Variants in MXI1 observed in about 807,000 individuals in gnomAD.
MXI1 encodes the protein max-interacting protein 1.
In MXI1, 18 loss-of-function variants were observed where a neutral mutation model predicts 36.9. That is an observed-to-expected ratio of 0.49 (90% CI 0.34 to 0.72). MXI1 has a LOEUF of 0.72. MXI1 is among the 30% of genes least tolerant of loss of function. The pLI, the probability that MXI1 is intolerant of heterozygous loss-of-function variation, is 0.01. For synonymous variants in MXI1, 160 were observed against 146.7 expected (o/e 1.09, Z -0.65); for missense variants, 304 against 379.1 (o/e 0.80, Z 1.64).
At chr10:110,280,500 A>G (rs1185709973) in intron 5 of MXI1, among the ~76,000 whole-genome samples, 56 of 151,920 alleles carry the variant, frequency 3.7e-4, no homozygotes, top group Middle Eastern at 3.4e-3. Context: ...CTAACATGGT[A>G]AAATCCTGTC....
chr10:110,216,193 C>T (rs186059621), intron 1 of MXI1, among the ~76,000 whole-genome samples: 91 of 152,286 alleles, frequency 6.0e-4, no homozygotes, highest in African/African-American at 2.0e-3. Flanking sequence ...TTGAGCAGTA[C>T]GCTCCAGGGA....
In MXI1 at chr10:110,286,181, A is replaced by G. The variant is rs1175068542; in HGVS notation, c.*1194A>G. The G allele has an allele frequency of 3.5e-5, 2 of 57,870 alleles. No homozygotes were observed. Among genetic ancestry groups the G allele is most frequent in the East Asian group, 0.077 (2 of 26 alleles). 3.6% of individuals were successfully genotyped at this position (57,870 alleles called of 1,614,324 possible). On this transcript the variant is annotated 3_prime_UTR_variant, in exon 6 of 6. Transcript: ENST00000332674. ...TATAGTAGACACACTATCATAGTTA[A>G]CATAGTAAGTTCAGCACTTGTCTCA...
chr10:110,272,831 G>A (rs1004220336), intron 3 of MXI1, among the ~76,000 whole-genome samples: 1 of 151,862 alleles, frequency 6.6e-6, no homozygotes, highest in Non-Finnish European at 1.5e-5. Flanking sequence ...AAAGTGAGAA[G>A]AGAGTCCCAG....
intron 1 of MXI1, chr10:110,227,861 A>C (rs1855115919): frequency 3.4e-6 from 1 of 293,048 alleles, no homozygotes; most frequent in Admixed American, 4.3e-5. Flanking sequence ...TTTTGAGGCA[A>C]GCGAAGTCAA....
In MXI1 at chr10:110,228,295, GAGC is replaced by G. The variant is rs1405859909; in HGVS notation, c.386_388del (p.Ser129del). On this transcript the variant is annotated inframe_deletion, in exon 2 of 6. Coordinates refer to ENST00000332674, the MANE Select transcript of MXI1 (RefSeq NM_130439.3). ...GCCGGGCACAGAAACACAGCAGCGG[GAGC>G]AGCAACACCAGCACTGCCAACAGGT... The G allele has an allele frequency of 6.2e-7, 1 of 1,614,034 alleles. No homozygotes were observed. The highest frequency in any genetic ancestry group is 8.5e-7 in the Non-Finnish European group (1 of 1,180,030).
intron 1 of MXI1, chr10:110,225,860 A>T: frequency 3.0e-6 from 1 of 335,130 alleles, no homozygotes; most frequent in African/African-American, 2.2e-5. Context: ...AGGCGCCCTG[A>T]AACGGCGTGT....
intron 2 of MXI1, among the ~76,000 whole-genome samples, chr10:110,243,430 A>T (rs1855745439): frequency 6.6e-6 from 1 of 152,128 alleles, no homozygotes; most frequent in South Asian, 2.1e-4. Flanking sequence ...CCCTTAAGCT[A>T]AGACAGTGGG....
rs567159775 is a variant in MXI1 at position 110,276,881 on chromosome 10, C to T, written c.438-2299C>T. Reference sequence around the variant, plus strand: ...TTTCTTCCTGAGGCAGAGTTTCACTCTGTGGCTCAGGCAGAATGCAGTGGC... The same window carrying T: ...TTTCTTCCTGAGGCAGAGTTTCACTTTGTGGCTCAGGCAGAATGCAGTGGC... On this transcript the variant is annotated intron_variant, in intron 3 of 5. Coordinates refer to ENST00000332674, the MANE Select transcript of MXI1 (RefSeq NM_130439.3). 2.1e-5 allele frequency among the ~76,000 whole-genome samples: 3 copies of T among 145,956 alleles called. No individual in the cohort carries two copies. In the East Asian group the frequency reaches 6.0e-4, roughly 29 times the overall value.
At chr10:110,230,673 A>G (rs1266183268) in intron 2 of MXI1, among the ~76,000 whole-genome samples, 2 of 152,246 alleles carry the variant, frequency 1.3e-5, no homozygotes, top group Non-Finnish European at 2.9e-5. Flanking sequence ...GAGCTGAGGT[A>G]GAAATTCCAA....
intron 1 of MXI1, among the ~76,000 whole-genome samples, chr10:110,216,025 A>T (rs998471466): frequency 2.0e-5 from 3 of 152,232 alleles, no homozygotes; most frequent in Admixed American, 6.5e-5. Context: ...AGAGGTGTTA[A>T]AGCTGTCAAC....
At chr10:110,215,319 C>T (rs796834183) in intron 1 of MXI1, among the ~76,000 whole-genome samples, 4 of 152,118 alleles carry the variant, frequency 2.6e-5, no homozygotes, top group East Asian at 3.9e-4. Flanking sequence ...GGATTACAGG[C>T]GTGAGCCACC....
intron 1 of MXI1, among the ~76,000 whole-genome samples, chr10:110,222,889 G>A (rs1212049946): frequency 6.6e-6 from 1 of 152,192 alleles, no homozygotes; most frequent in Non-Finnish European, 1.5e-5. Flanking sequence ...TATAGCTGAT[G>A]TCCAAGGAAG....
chr10:110,251,853 T>G (rs1856103208), intron 3 of MXI1, among the ~76,000 whole-genome samples: 1 of 152,050 alleles, frequency 6.6e-6, no homozygotes, highest in Non-Finnish European at 1.5e-5. Context: ...CCGTATTGAG[T>G]TAAATAGCAG....
intron 3 of MXI1, among the ~76,000 whole-genome samples, chr10:110,250,211 T>C (rs1235345283): frequency 6.6e-6 from 1 of 152,174 alleles, no homozygotes; most frequent in Non-Finnish European, 1.5e-5. Context: ...ATACTGAGTA[T>C]GCTCTAGATG....
Position 110,285,904 on chromosome 10 carries a change from A to G in MXI1, c.*917A>G, listed in dbSNP as rs555550200. 17 of 152,754 alleles carry G rather than the reference A, an allele frequency of 1.1e-4. No individual in the cohort carries two copies. The highest frequency in any genetic ancestry group is 9.8e-4 in the Admixed American group (15 of 15,302). The allele number at this position is 152,754 out of a possible 1,614,324, so 9.5% of individuals were successfully genotyped here. ...ATTTCAGATTTTGATAACTGTTTAT[A>G]TGTGTTGAAAACCAAAATGACATCT... On this transcript the variant is annotated 3_prime_UTR_variant, in exon 6 of 6. Transcript: ENST00000332674.
At chr10:110,257,004 A>G (rs373940846) in intron 3 of MXI1, 12 of 152,224 alleles carry the variant, frequency 7.9e-5, no homozygotes, top group African/African-American at 2.9e-4. Context: ...TCTATTTAGC[A>G]TATGAAAAGA....
chr10:110,276,192 G>T (rs1306215402), intron 3 of MXI1, among the ~76,000 whole-genome samples: 2 of 152,028 alleles, frequency 1.3e-5, no homozygotes, highest in African/African-American at 4.8e-5. Flanking sequence ...ATAAATTTAG[G>T]TCCTTTACTT....
At chr10:110,216,665 G>GTTTTTTGTTTTGTTTTGTTTTGTTTTTT (rs1554853670) in intron 1 of MXI1, among the ~76,000 whole-genome samples, 44 of 79,060 alleles carry the variant, frequency 5.6e-4, no homozygotes, top group South Asian at 5.0e-3. Context: ...TGTGTTTAAT[G>GTTTTTTGTTTTGTTTTGTTTTGTTTTTT]TTTTTTTTTT....
intron 3 of MXI1, among the ~76,000 whole-genome samples, chr10:110,275,987 A>G (rs1420353348): frequency 6.6e-6 from 1 of 152,210 alleles, no homozygotes; most frequent in Non-Finnish European, 1.5e-5. Context: ...CTTTTAGAGC[A>G]TTCTGCCTTC....
Sources: allele counts gnomAD v4.1 joint callset (sites outside exome capture counted in the v4.1 genomes callset), GRCh38; gene constraint gnomAD v4.1.1; transcripts MANE v1.5; gene names NCBI Gene and HGNC (gene_info 2026-07-23, HGNC 2026-07-21).